The following MCC variants were observed in gnomAD, a reference collection of about 807,000 sequenced individuals.
MCC encodes MCC regulator of Wnt signaling pathway, also known as colorectal mutant cancer protein.
In MCC, 90 loss-of-function variants were observed where a neutral mutation model predicts 116.2. The observed-to-expected ratio is 0.77, with a 90% CI of 0.65 to 0.92. The LOEUF is 0.92. MCC is among the 40% of genes least tolerant of loss of function. The probability of loss-of-function intolerance (pLI) is 0.00; values close to 1 mark genes in which losing one functional copy is unlikely to be tolerated. For missense variants in MCC, 1,516 were observed against 1,312.2 expected, an observed-to-expected ratio of 1.16 and a Z score of -2.40; for synonymous variants, 578 against 510.5, an observed-to-expected ratio of 1.13 and a Z score of -1.78.
chr5:113,403,261 G>A (rs761643030), intron 1 of MCC, among the ~76,000 whole-genome samples: 2 of 152,082 alleles, frequency 1.3e-5, no homozygotes, highest in African/African-American at 2.4e-5. Context: ...TTACTTTGAC[G>A]TACCATTCTA....
chr5:113,459,741 A>G (rs2150424840), intron 1 of MCC, among the ~76,000 whole-genome samples: 1 of 151,988 alleles, frequency 6.6e-6, no homozygotes, highest in South Asian at 2.1e-4. Flanking sequence ...CACTGACTTA[A>G]AAGTCAAAGG....
intron 3 of MCC, among the ~76,000 whole-genome samples, chr5:113,285,420 G>A (rs1392515178): frequency 1.2e-4 from 17 of 144,646 alleles, no homozygotes; most frequent in African/African-American, 4.4e-4. Context: ...AACTCTCCAG[G>A]GAGATCCAGA....
intron 3 of MCC, among the ~76,000 whole-genome samples, chr5:113,160,774 G>C (rs1760440368): frequency 6.6e-6 from 1 of 152,128 alleles, no homozygotes. Context: ...TAAACATTTT[G>C]AGAAATAGAA....
intron 3 of MCC, among the ~76,000 whole-genome samples, chr5:113,258,767 C>T (rs1335039819): frequency 3.3e-5 from 5 of 152,196 alleles, no homozygotes; most frequent in Admixed American, 6.5e-5. Flanking sequence ...TTTACACCTA[C>T]CCTAAGTTAG....
At chr5:113,104,413 C>T in intron 6 of MCC, 58 bp from the exon 7 acceptor site, 1 of 1,501,990 alleles carries the variant, frequency 6.7e-7, no homozygotes, top group Non-Finnish European at 9.0e-7. Flanking sequence ...GTCTGTTTTG[C>T]TTACCATGAG....
At chr5:113,456,103 G>A (rs532600404) in intron 1 of MCC, among the ~76,000 whole-genome samples, 16 of 152,156 alleles carry the variant, frequency 1.1e-4, no homozygotes, top group Non-Finnish European at 1.9e-4. Flanking sequence ...AAATAAAACC[G>A]TACCTGCCAC....
At chr5:113,324,668 T>A (rs1767506452) in intron 3 of MCC, among the ~76,000 whole-genome samples, 1 of 152,216 alleles carries the variant, frequency 6.6e-6, no homozygotes. Context: ...TCTATTTCTT[T>A]CTGAGAATCT....
chr5:113,221,807 A>G (rs576143797), intron 3 of MCC, among the ~76,000 whole-genome samples: 1 of 138,824 alleles, frequency 7.2e-6, no homozygotes, highest in Admixed American at 7.5e-5. Context: ...CGCCCCCACC[A>G]CTAAATTATC....
chr5:113,202,849 C>T (rs940115285), intron 3 of MCC, among the ~76,000 whole-genome samples: 8 of 151,140 alleles, frequency 5.3e-5, no homozygotes, highest in African/African-American at 1.5e-4. Context: ...AACTTTATGG[C>T]GTCCGTGTTA....
At chr5:113,222,513 T>A (rs1009788806) in intron 3 of MCC, among the ~76,000 whole-genome samples, 7 of 152,228 alleles carry the variant, frequency 4.6e-5, no homozygotes, top group Admixed American at 6.5e-5. Context: ...TTAAATGAAT[T>A]CACCAGTGAA....
At chr5:113,153,434 G>A (rs956203770) in intron 3 of MCC, among the ~76,000 whole-genome samples, 9 of 152,172 alleles carry the variant, frequency 5.9e-5, no homozygotes, top group Admixed American at 5.9e-4. Flanking sequence ...TGGAAGAGGG[G>A]TCCAGGATGG....
Position 113,101,765 on chromosome 5 carries a change from C to T in MCC, c.1372G>A (p.Glu458Lys). 1 of 1,613,536 alleles carries T rather than the reference C, an allele frequency of 6.2e-7. No homozygotes were observed. The highest frequency in any genetic ancestry group is 8.5e-7 in the Non-Finnish European group (1 of 1,180,026). ...CTCCTCCGGAGCCGGTCCCGCTCTTCCCGGATGGCATTCATGGTGGCCTTA... is the reference window on the plus strand; with the variant it reads ...CTCCTCCGGAGCCGGTCCCGCTCTTTCCGGATGGCATTCATGGTGGCCTTA... Reference protein sequence around the residue: ...RTKATMNAIREERDRLRRRVR... With the variant: ...RTKATMNAIRKERDRLRRRVR... Residue 458 changes from glutamate to lysine, a missense_variant, in exon 8 of 19, where the codon GAA (glutamate) becomes AAA (lysine). By Grantham distance (56) the Glu-to-Lys change is moderately conservative (BLOSUM62 1). Coordinates refer to ENST00000408903, the MANE Select transcript of MCC (RefSeq NM_001085377.2).
chr5:113,428,131 C>G (rs575985027), intron 1 of MCC, among the ~76,000 whole-genome samples: 1 of 152,232 alleles, frequency 6.6e-6, no homozygotes, highest in African/African-American at 2.4e-5. Flanking sequence ...CAACTATTAA[C>G]CAGTCCCAGC....
At chr5:113,306,705 T>C (rs1766995028) in intron 3 of MCC, among the ~76,000 whole-genome samples, 1 of 152,166 alleles carries the variant, frequency 6.6e-6, no homozygotes, top group East Asian at 1.9e-4. Flanking sequence ...CTTTGAAACA[T>C]CAAAATTTTA....
At chr5:113,252,115 A>T (rs1488808780) in intron 3 of MCC, among the ~76,000 whole-genome samples, 1 of 152,240 alleles carries the variant, frequency 6.6e-6, no homozygotes, top group Non-Finnish European at 1.5e-5. Context: ...GCCAACACCT[A>T]ACCAGTGGCT....
chr5:113,444,692 G>A (rs1353454117), intron 1 of MCC, among the ~76,000 whole-genome samples: 1 of 152,138 alleles, frequency 6.6e-6, no homozygotes, highest in Admixed American at 6.5e-5. Context: ...TCCTGGCTCT[G>A]TTATTTATGC....
chr5:113,075,316 C>G (rs759206489), intron 11 of MCC, among the ~76,000 whole-genome samples: 35 of 152,234 alleles, frequency 2.3e-4, no homozygotes, highest in Non-Finnish European at 4.4e-4. Flanking sequence ...CCCGAGCCCC[C>G]CTCACCCCCT....
chr5:113,042,054 G>A (rs893900448), intron 17 of MCC, among the ~76,000 whole-genome samples: 5 of 151,738 alleles, frequency 3.3e-5, no homozygotes, highest in African/African-American at 1.2e-4. Context: ...ATACAAGAAT[G>A]AACACACAAA....
At chr5:113,388,020 C>T (rs1391607897) in intron 1 of MCC, among the ~76,000 whole-genome samples, 1 of 152,204 alleles carries the variant, frequency 6.6e-6, no homozygotes, top group Non-Finnish European at 1.5e-5. Flanking sequence ...TCCCTGCTGG[C>T]AGCCCACTTA....
Sources: gnomAD v4.1 joint callset for allele counts (sites outside exome capture counted in the v4.1 genomes callset) on GRCh38, gnomAD v4.1.1 for gene constraint, MANE v1.5 for transcripts, NCBI Gene and HGNC (gene_info 2026-07-23, HGNC 2026-07-21) for gene names.